Variants in DMD observed in about 807,000 individuals in gnomAD.
The protein encoded by DMD is dystrophin.
A neutral mutation model predicts 330.1 loss-of-function variants in DMD; 63 were observed. The observed-to-expected ratio is 0.19, with a 90% confidence interval of 0.16 to 0.24. The LOEUF (loss-of-function observed/expected upper bound fraction) is 0.24, where lower values mean the gene tolerates loss of function less well. DMD is among the 10% of genes least tolerant of loss of function. The pLI is 1.00. For synonymous variants in DMD, 1,223 were observed against 959.8 expected (o/e 1.27, Z -5.07); for missense variants, 3,344 against 2,684.1 (o/e 1.25, Z -5.43).
intron 67 of DMD, among the ~76,000 whole-genome samples, chrX:31,191,899 C>T (rs768847903): frequency 1.8e-5 from 2 of 112,294 alleles, no homozygotes; most frequent in Non-Finnish European, 3.8e-5. Context: ...ACTTTTCTAG[C>T]CCTCGTTATA....
intron 34 of DMD, among the ~76,000 whole-genome samples, chrX:32,375,376 A>G (rs1050363377): frequency 3.6e-5 from 4 of 112,386 alleles, no homozygotes. Flanking sequence ...AAACCGAATG[A>G]ACAGTGGCCA....
intron 59 of DMD, among the ~76,000 whole-genome samples, chrX:31,472,312 G>A (rs1348312909): frequency 8.9e-6 from 1 of 112,013 alleles, no homozygotes; most frequent in Non-Finnish European, 1.9e-5. Flanking sequence ...TATAAGAAAA[G>A]ATAAGTTTTC....
At chrX:31,555,379 C>T (rs778825727) in intron 55 of DMD, among the ~76,000 whole-genome samples, 6 of 111,592 alleles carry the variant, frequency 5.4e-5, no homozygotes, top group African/African-American at 9.8e-5. Context: ...GATAGAAGGA[C>T]CAAAAGATAC....
intron 42 of DMD, among the ~76,000 whole-genome samples, chrX:32,307,145 C>G (rs1348991671): frequency 9.0e-6 from 1 of 110,810 alleles, no homozygotes; most frequent in Non-Finnish European, 1.9e-5. Flanking sequence ...TAAGCAGATT[C>G]GAAGACAAGG....
chrX:32,681,615 C>G (rs1022778854), intron 9 of DMD, among the ~76,000 whole-genome samples: 2 of 111,627 alleles, frequency 1.8e-5, no homozygotes, highest in Non-Finnish European at 3.8e-5. Flanking sequence ...GCTGTTCACT[C>G]AACTCTTAGA....
At chrX:31,677,918 T>C (rs1023740727) in intron 53 of DMD, among the ~76,000 whole-genome samples, 3 of 112,131 alleles carry the variant, frequency 2.7e-5, no homozygotes, top group Admixed American at 9.5e-5. Flanking sequence ...GGAAGTGATA[T>C]ACATAATTTC....
intron 55 of DMD, among the ~76,000 whole-genome samples, chrX:31,573,423 C>G (rs1048407658): frequency 9.0e-6 from 1 of 111,598 alleles, no homozygotes; most frequent in Non-Finnish European, 1.9e-5. Flanking sequence ...AGAAATTGTA[C>G]TGTGTATGCT....
At chrX:33,118,850 A>G (rs2095406551) in intron 1 of DMD, among the ~76,000 whole-genome samples, 1 of 111,501 alleles carries the variant, frequency 9.0e-6, no homozygotes, top group Non-Finnish European at 1.9e-5. Flanking sequence ...ATTTATGCCA[A>G]TCTCCTTATC....
chrX:32,394,922 A>AAAAAAAAAC (rs2098032160), intron 30 of DMD, among the ~76,000 whole-genome samples: 8 of 22,319 alleles, frequency 3.6e-4, no homozygotes, highest in African/African-American at 8.1e-4. Context: ...AAAACAAAAA[A>AAAAAAAAAC]AAAAAAAAAA....
intron 55 of DMD, among the ~76,000 whole-genome samples, chrX:31,588,654 G>A (rs1336597579): frequency 1.8e-5 from 2 of 110,259 alleles, no homozygotes; most frequent in African/African-American, 3.3e-5. Flanking sequence ...CTTGAGAACT[G>A]TGAGTAATCA....
chrX:32,517,805 G>C (rs1603635319), intron 18 of DMD: 1 of 458,397 alleles, frequency 2.2e-6, no homozygotes, highest in East Asian at 3.7e-5. Flanking sequence ...GGCATCCCTA[G>C]TCAGTCACAG....
chrX:31,821,447 G>A (rs1023787569), intron 49 of DMD, among the ~76,000 whole-genome samples: 2 of 112,065 alleles, frequency 1.8e-5, no homozygotes, highest in African/African-American at 6.5e-5. Flanking sequence ...GAACATAATA[G>A]ACCCTCAGAT....
intron 44 of DMD, among the ~76,000 whole-genome samples, chrX:32,137,024 A>T (rs1000642027): frequency 1.4e-4 from 16 of 112,428 alleles, no homozygotes; most frequent in Non-Finnish European, 2.6e-4. Flanking sequence ...AATTTAAAAA[A>T]AAGAAAATAA....
chrX:31,489,307 G>A (rs7892295), intron 57 of DMD, among the ~76,000 whole-genome samples: 21,860 of 110,792 alleles, frequency 0.2, 1,970 homozygotes, highest in African/African-American at 0.34. Context: ...CGCCCAGCTA[G>A]TTTTTGGTAG....
intron 55 of DMD, among the ~76,000 whole-genome samples, chrX:31,601,057 A>G (rs1452444397): frequency 8.9e-6 from 1 of 111,886 alleles, no homozygotes; most frequent in African/African-American, 3.3e-5. Flanking sequence ...CACAAATACA[A>G]TCATGAAACA....
intron 43 of DMD, among the ~76,000 whole-genome samples, chrX:32,217,707 A>G (rs1488061757): frequency 1.8e-5 from 2 of 110,139 alleles, no homozygotes; most frequent in Non-Finnish European, 3.8e-5. Context: ...ACCTGATTTG[A>G]TCATTACACA....
intron 7 of DMD, among the ~76,000 whole-genome samples, chrX:32,784,975 T>C (rs12387458): frequency 0.011 from 1,187 of 111,216 alleles, 21 homozygotes; most frequent in African/African-American, 0.036. Context: ...AAGTTATCAA[T>C]AGACATTTGA....
At chrX:33,108,868 G>GA (rs59817056) in intron 1 of DMD, among the ~76,000 whole-genome samples, 15 of 24,224 alleles carry the variant, frequency 6.2e-4, no homozygotes, top group Non-Finnish European at 7.5e-4. Flanking sequence ...CTCCGTTTCG[G>GA]AAAAAAAAAA....
intron 15 of DMD, among the ~76,000 whole-genome samples, chrX:32,570,908 TA>T (rs2052344818): frequency 8.9e-6 from 1 of 112,020 alleles, no homozygotes; most frequent in African/African-American, 3.2e-5. Context: ...TTTGACTAGA[TA>T]TTAAGATTTG....
Sources: gnomAD v4.1 joint callset for allele counts (sites outside exome capture counted in the v4.1 genomes callset) on GRCh38, gnomAD v4.1.1 for gene constraint, MANE v1.5 for transcripts, NCBI Gene and HGNC (gene_info 2026-07-23, HGNC 2026-07-21) for gene names.